ACAT1: variants seen among roughly 807,000 people sequenced by gnomAD.
The protein encoded by ACAT1 is acetyl-CoA acetyltransferase, mitochondrial.
Under a neutral mutation model 47.3 loss-of-function variants are expected in ACAT1, and 28 were observed. The observed-to-expected ratio is 0.59, with a 90% confidence interval of 0.44 to 0.81. The LOEUF is 0.81. Ranked by LOEUF, ACAT1 falls within the 30% of genes least tolerant of loss-of-function variation. The pLI is 0.00. For missense variants in ACAT1, 469 were observed against 524.3 expected, an observed-to-expected ratio of 0.89 and a Z score of 1.03; for synonymous variants, 181 against 173.6, an observed-to-expected ratio of 1.04 and a Z score of -0.34.
Position 108,135,480 on chromosome 11 carries a change from A to C in ACAT1, c.435+238A>C, listed in dbSNP as rs906777692. 3.3e-5 allele frequency among the ~76,000 whole-genome samples: 5 copies of C among 152,160 alleles called. No individual in the cohort carries two copies. In the South Asian group the frequency reaches 8.3e-4, roughly 25 times the overall value. ...TGGAAGGTCGAGGCAGGAGGATCCC[A>C]GGAGTTTGAGACCAGCGTAGGCAAC... On this transcript the variant is annotated intron_variant, in intron 5 of 11. Transcript: ENST00000265838.
At chr11:108,125,679 G>A (rs1157639842) in intron 1 of ACAT1, among the ~76,000 whole-genome samples, 1 of 152,160 alleles carries the variant, frequency 6.6e-6, no homozygotes, top group Non-Finnish European at 1.5e-5. Flanking sequence ...TGTAATCCCA[G>A]CACTTTGGGA....
At chr11:108,136,422 T>G (rs1171237355) in intron 5 of ACAT1, 1 of 233,964 alleles carries the variant, frequency 4.3e-6, no homozygotes, top group South Asian at 1.7e-4. Context: ...GTGTGACTTG[T>G]CTGGATCTGC....
rs2077611879 is a variant in ACAT1, at chr11:108,142,567, T to C, written c.940+17T>C. ...GAATAGTAGGTAAGGCCAGGCGAGG[T>C]GGCTCACACCTGTAATCCCAGCACT... On this transcript the variant is annotated intron_variant, in intron 9 of 11. Coordinates refer to ENST00000265838, the MANE Select transcript of ACAT1 (RefSeq NM_000019.4). 1 of 1,597,778 alleles carries C rather than the reference T, an allele frequency of 6.3e-7. No homozygotes were observed. Among genetic ancestry groups the C allele is most frequent in the Admixed American group, 1.7e-5 (1 of 59,942 alleles).
intron 4 of ACAT1, 47 bp downstream of exon 4, chr11:108,134,363 G>T: frequency 6.8e-7 from 1 of 1,480,730 alleles, no homozygotes; most frequent in South Asian, 1.1e-5. Context: ...GTGTAAAAGG[G>T]GCCGGGTGCG....
rs10789654 is a variant in ACAT1 at position 108,138,654 on chromosome 11, T to C, written c.436-244T>C. The C allele has an allele frequency of 0.61, 286,803 of 467,414 alleles. 90,194 individuals are homozygous for C. The highest frequency in any genetic ancestry group is 0.89 in the East Asian group (20,702 of 23,312). 29.0% of individuals were successfully genotyped at this position (467,414 alleles called of 1,614,324 possible). On this transcript the variant is annotated intron_variant, in intron 5 of 11. Transcript: ENST00000265838. ...TCAAGTGATCCACCTGCCTCAGCCTTCTAAAGTGCTGGGATTACAGGTGTG... is the reference window on the plus strand; with the variant it reads ...TCAAGTGATCCACCTGCCTCAGCCTCCTAAAGTGCTGGGATTACAGGTGTG...
chr11:108,137,320 A>G (rs1211252135), intron 5 of ACAT1, among the ~76,000 whole-genome samples: 1 of 152,192 alleles, frequency 6.6e-6, no homozygotes, highest in African/African-American at 2.4e-5. Context: ...AACTAGTTCC[A>G]TGTGACCTGA....
intron 2 of ACAT1, among the ~76,000 whole-genome samples, chr11:108,132,903 G>T (rs2077392047): frequency 6.7e-6 from 1 of 148,872 alleles, no homozygotes; most frequent in South Asian, 2.1e-4. Context: ...TTATGGCTCT[G>T]GCTGGGCACA....
chr11:108,134,410 C>A, intron 4 of ACAT1, 94 bp downstream of exon 4: 2 of 918,436 alleles, frequency 2.2e-6, no homozygotes, highest in Non-Finnish European at 3.5e-6. Context: ...TTTGGGAGGC[C>A]GAGGCAGGCG....
At chr11:108,142,044 A>G (rs1004533326) in intron 8 of ACAT1, among the ~76,000 whole-genome samples, 7 of 152,328 alleles carry the variant, frequency 4.6e-5, no homozygotes, top group African/African-American at 1.7e-4. Context: ...ACATTCATTT[A>G]TATTTATCTC....
intron 10 of ACAT1, chr11:108,144,264 G>A: frequency 3.4e-6 from 2 of 582,022 alleles, no homozygotes; most frequent in Non-Finnish European, 6.1e-6. Context: ...ATCTTCAGTA[G>A]AACAGGTAAA....
chr11:108,116,915 ATTTCT>A (rs137967128), upstream of ACAT1, among the ~76,000 whole-genome samples: 2,294 of 152,250 alleles, frequency 0.015, 57 homozygotes, highest in African/African-American at 0.052. Flanking sequence ...AAGAAAATAC[ATTTCT>A]TTTGTTTTAA....
At chr11:108,135,274 C>A in intron 5 of ACAT1, 32 bp downstream of exon 5, 1 of 1,485,582 alleles carries the variant, frequency 6.7e-7, no homozygotes, top group South Asian at 1.1e-5. Flanking sequence ...ATTTATTAAT[C>A]AGAGTAATAC....
At chr11:108,141,049 G>C (rs116378074) in intron 7 of ACAT1, among the ~76,000 whole-genome samples, 1 of 151,958 alleles carries the variant, frequency 6.6e-6, no homozygotes, top group African/African-American at 2.4e-5. Flanking sequence ...AACGAAGTGA[G>C]ACTTGGCCTC....
chr11:108,129,525 C>T (rs1238822125), intron 1 of ACAT1, among the ~76,000 whole-genome samples: 2 of 152,050 alleles, frequency 1.3e-5, no homozygotes, highest in Non-Finnish European at 2.9e-5. Flanking sequence ...TGTGCCACCA[C>T]GTCCAGCTAA....
rs1382129086 is a variant in ACAT1, at chr11:108,147,369, C to T, written c.1263C>T (p.Ala421=). ...SICNGGGGAS[A]MLIQKL ...GCAATGGAGGAGGAGGTGCTTCTGCCATGCTAATTCAGAAGCTGTAGACAA... is the reference window on the plus strand; with the variant it reads ...GCAATGGAGGAGGAGGTGCTTCTGCTATGCTAATTCAGAAGCTGTAGACAA... Residue 421 remains alanine (A), a synonymous_variant, in exon 12 of 12, where the codon GCC becomes GCT. Transcript: ENST00000265838. 9 of 1,613,642 alleles carry T rather than the reference C, an allele frequency of 5.6e-6. No individual in the cohort carries two copies. The highest frequency in any genetic ancestry group is 1.1e-5 in the South Asian group (1 of 91,074).
At chr11:108,139,138 C>T (rs1414179069) in intron 6 of ACAT1, 97 bp downstream of exon 6, 5 of 1,477,756 alleles carry the variant, frequency 3.4e-6, no homozygotes, top group Admixed American at 1.7e-5. Context: ...GAAAGATGGG[C>T]TCTATAAATG....
chr11:108,116,925 T>C (rs1864961952), upstream of ACAT1, among the ~76,000 whole-genome samples: 1 of 152,120 alleles, frequency 6.6e-6, no homozygotes, highest in Non-Finnish European at 1.5e-5. Context: ...ATTTCTTTTG[T>C]TTTAAGCCAC....
At chr11:108,131,353 A>ATTTTTTTTTTTTTTTTTTTTTT in intron 1 of ACAT1, among the ~76,000 whole-genome samples, 1 of 10,018 alleles carries the variant, frequency 1.0e-4, no homozygotes, top group African/African-American at 2.0e-4. Flanking sequence ...AAAGACTTGG[A>ATTTTTTTTTTTTTTTTTTTTTT]ATTTTTTTTT....
upstream of ACAT1, among the ~76,000 whole-genome samples, chr11:108,120,473 T>G (rs1316445780): frequency 6.6e-6 from 1 of 151,870 alleles, no homozygotes; most frequent in African/African-American, 2.4e-5. Context: ...ACCAGGAGTT[T>G]GAGGCTGCAG....
Sources: gnomAD v4.1 joint callset for allele counts (sites outside exome capture counted in the v4.1 genomes callset) on GRCh38, gnomAD v4.1.1 for gene constraint, MANE v1.5 for transcripts, NCBI Gene and HGNC (gene_info 2026-07-23, HGNC 2026-07-21) for gene names.